The following CHLSN variants were observed in gnomAD, a reference collection of about 807,000 sequenced individuals.
The protein encoded by CHLSN is protein cholesin.
At chr7:1,047,204 G>T in the CHLSN span, among the ~76,000 whole-genome samples, 2 of 152,244 alleles carry the variant, frequency 1.3e-5, no homozygotes, top group Non-Finnish European at 2.9e-5. Context: ...AGGCACAGGT[G>T]CCCAGCCCGC....
chr7:1,019,919 C>T, the CHLSN span, among the ~76,000 whole-genome samples: 2 of 152,356 alleles, frequency 1.3e-5, no homozygotes, highest in East Asian at 3.9e-4. Context: ...GGCCCGGAGG[C>T]CAAGCTACAG....
chr7:1,079,070 G>A, the CHLSN span, among the ~76,000 whole-genome samples: 59,750 of 128,488 alleles, frequency 0.47, 16,554 homozygotes, highest in Non-Finnish European at 0.54. Context: ...AAGACTGCTG[G>A]TGAATGGCCG....
At chr7:1,081,081 C>T in the CHLSN span, among the ~76,000 whole-genome samples, 19 of 152,252 alleles carry the variant, frequency 1.2e-4, no homozygotes, top group African/African-American at 3.9e-4. Context: ...AGGGGGAGCA[C>T]GCCCCCCACC....
the CHLSN span, among the ~76,000 whole-genome samples, chr7:1,047,904 C>T: frequency 6.6e-6 from 1 of 152,220 alleles, no homozygotes; most frequent in South Asian, 2.1e-4. Context: ...CCTTTTACGT[C>T]ACTGAATACA....
At chr7:995,488 G>A in the CHLSN span, among the ~76,000 whole-genome samples, 3 of 152,250 alleles carry the variant, frequency 2.0e-5, no homozygotes, top group Admixed American at 1.3e-4. Flanking sequence ...CTGCTGGGAA[G>A]CTCAGAGCTC....
the CHLSN span, chr7:1,058,608 G>A: frequency 4.7e-6 from 3 of 639,566 alleles, no homozygotes; most frequent in South Asian, 3.7e-5. Context: ...AGAAGGAGAC[G>A]AGCTGCTGGA....
chr7:1,008,133 AG>A, the CHLSN span, among the ~76,000 whole-genome samples: 1 of 152,212 alleles, frequency 6.6e-6, no homozygotes, highest in African/African-American at 2.4e-5. Flanking sequence ...GGCAAGGTGC[AG>A]GTGGCACAGC....
At chr7:990,561 C>G in the CHLSN span, among the ~76,000 whole-genome samples, 327 of 152,118 alleles carry the variant, frequency 2.1e-3, 1 homozygote, top group Non-Finnish European at 2.9e-3. Flanking sequence ...CCGGGACACA[C>G]GGGTGCACGG....
At chr7:1,009,825 T>C in the CHLSN span, 3 of 845,532 alleles carry the variant, frequency 3.5e-6, no homozygotes, top group African/African-American at 3.5e-5. Flanking sequence ...AGGCCTGGCA[T>C]GAACGCTCAT....
the CHLSN span, chr7:1,092,698 T>C: frequency 6.2e-7 from 1 of 1,613,496 alleles, no homozygotes; most frequent in African/African-American, 1.3e-5. Context: ...CCCCCTCATC[T>C]ACAGCTTTCT....
the CHLSN span, chr7:1,023,005 G>A: frequency 4.3e-6 from 2 of 463,992 alleles, no homozygotes; most frequent in African/African-American, 2.0e-5. The surrounding 1 kb of genome is among the most constrained non-coding windows in gnomAD (Gnocchi z 5.0). Flanking sequence ...GCTCCTGGAG[G>A]ACAGGGAGAG....
chr7:1,072,326 G>T, the CHLSN span, among the ~76,000 whole-genome samples: 1 of 152,334 alleles, frequency 6.6e-6, no homozygotes, highest in Non-Finnish European at 1.5e-5. Context: ...ACGCACGACT[G>T]CAGCGAAGCT....
At chr7:1,092,480 G>A in the CHLSN span, 10 of 1,607,470 alleles carry the variant, frequency 6.2e-6, no homozygotes, top group Admixed American at 1.7e-5. Context: ...CGTGGGCTGC[G>A]GCCCCGGCGG....
the CHLSN span, among the ~76,000 whole-genome samples, chr7:979,136 TC>T: frequency 2.6e-5 from 4 of 152,226 alleles, no homozygotes; most frequent in South Asian, 8.3e-4. Flanking sequence ...CCACCCAGAT[TC>T]AAGGAGTCAA....
the CHLSN span, among the ~76,000 whole-genome samples, chr7:1,074,981 G>A: frequency 6.6e-6 from 1 of 152,218 alleles, no homozygotes; most frequent in Admixed American, 6.5e-5. Flanking sequence ...GGGAGGACGT[G>A]TGAGCTGGGG....
At chr7:987,549 T>C in the CHLSN span, 5 of 1,503,262 alleles carry the variant, frequency 3.3e-6, no homozygotes, top group Non-Finnish European at 4.4e-6. Flanking sequence ...TGGGCCTCCC[T>C]TGCCCCTTCC....
At chr7:1,008,558 G>C in the CHLSN span, among the ~76,000 whole-genome samples, 1 of 152,138 alleles carries the variant, frequency 6.6e-6, no homozygotes, top group African/African-American at 2.4e-5. Flanking sequence ...GTTCCAGCCG[G>C]ATCCACCCAA....
At chr7:1,002,382 G>GT in the CHLSN span, among the ~76,000 whole-genome samples, 3 of 114,794 alleles carry the variant, frequency 2.6e-5, no homozygotes, top group Non-Finnish European at 5.4e-5. Flanking sequence ...CCTGTGGGTG[G>GT]GGAGTCCTGT....
the CHLSN span, among the ~76,000 whole-genome samples, chr7:1,018,267 C>T: frequency 1.3e-5 from 2 of 152,214 alleles, no homozygotes; most frequent in African/African-American, 4.8e-5. Flanking sequence ...GGGGTTGCCC[C>T]TTCAACAGGT....
Sources: gnomAD v4.1 joint callset for allele counts (sites outside exome capture counted in the v4.1 genomes callset) on GRCh38, gnomAD v4.1.1 for gene constraint, Gnocchi (gnomAD v3.1) non-coding constraint, MANE v1.5 for transcripts, NCBI Gene and HGNC (gene_info 2026-07-23, HGNC 2026-07-21) for gene names.